Variants in PRKCB observed in about 807,000 individuals in gnomAD.
The protein encoded by PRKCB is protein kinase C beta.
Under a neutral mutation model 81.5 loss-of-function variants are expected in PRKCB, and 13 were observed. That is an observed-to-expected ratio of 0.16 (90% CI 0.10 to 0.25). The LOEUF (loss-of-function observed/expected upper bound fraction) is 0.25. PRKCB is among the 10% of genes least tolerant of loss of function. The probability of loss-of-function intolerance (pLI) is 1.00; values close to 1 mark genes in which losing one functional copy is unlikely to be tolerated. For missense variants in PRKCB, 509 were observed against 875.7 expected, an observed-to-expected ratio of 0.58 and a Z score of 5.29; for synonymous variants, 335 against 321.4, an observed-to-expected ratio of 1.04 and a Z score of -0.45.
intron 12 of PRKCB, among the ~76,000 whole-genome samples, chr16:24,176,190 C>T (rs1323015604): frequency 1.3e-5 from 2 of 151,934 alleles, no homozygotes; most frequent in Non-Finnish European, 2.9e-5. Context: ...ACAAAGTCCC[C>T]GCCATTCCTA....
chr16:24,029,038 G>A (rs1021478368), intron 3 of PRKCB, among the ~76,000 whole-genome samples: 35 of 152,136 alleles, frequency 2.3e-4, no homozygotes, highest in African/African-American at 5.8e-4. Context: ...CGATCTGCCC[G>A]CCTCGGCCTC....
At chr16:24,178,402 C>G (rs1967568711) in intron 12 of PRKCB, among the ~76,000 whole-genome samples, 1 of 152,170 alleles carries the variant, frequency 6.6e-6, no homozygotes. Context: ...GACAGAGGTG[C>G]CCTCCAGCCT....
intron 3 of PRKCB, among the ~76,000 whole-genome samples, chr16:24,003,874 A>G (rs1334808657): frequency 6.6e-6 from 1 of 152,222 alleles, no homozygotes; most frequent in Non-Finnish European, 1.5e-5. Flanking sequence ...ACTAATTATT[A>G]TAAGCTTGCT....
At chr16:24,085,813 C>A (rs1966304981) in intron 5 of PRKCB, among the ~76,000 whole-genome samples, 1 of 152,222 alleles carries the variant, frequency 6.6e-6, no homozygotes, top group Non-Finnish European at 1.5e-5. Context: ...ACCACGCTAG[C>A]TCTCCACCAT....
intron 5 of PRKCB, among the ~76,000 whole-genome samples, chr16:24,063,922 A>G (rs1966003234): frequency 6.6e-6 from 1 of 152,220 alleles, no homozygotes; most frequent in African/African-American, 2.4e-5. Flanking sequence ...ATGCTGTGGT[A>G]TAACTTGCAG....
At chr16:24,166,873 T>C (rs1366773406) in intron 10 of PRKCB, among the ~76,000 whole-genome samples, 2 of 152,136 alleles carry the variant, frequency 1.3e-5, no homozygotes, top group Non-Finnish European at 2.9e-5. Context: ...AGGGTTTCCC[T>C]GCATATGGTT....
chr16:24,216,382 G>A lies in PRKCB; in HGVS notation c.*1566G>A. The A allele has an allele frequency of 1.0e-6, 1 of 985,410 alleles. No individual in the cohort carries two copies. Among genetic ancestry groups the A allele is most frequent in the Non-Finnish European group, 1.2e-6 (1 of 829,924 alleles). 61.0% of individuals were successfully genotyped at this position (985,410 alleles called of 1,614,324 possible). A position where few individuals can be genotyped will look rare whatever the true frequency, so the allele number is the denominator to read the frequency against. ...CCCTGAAGCCCAAGGAAACCCTTCG[G>A]TGGGAGAAATTTCATTTCTGTCTGA... On this transcript the variant is annotated 3_prime_UTR_variant, in exon 17 of 17. Coordinates refer to ENST00000643927, the MANE Select transcript of PRKCB (RefSeq NM_002738.7).
chr16:23,996,041 T>C (rs932168896), intron 3 of PRKCB, among the ~76,000 whole-genome samples: 8 of 152,022 alleles, frequency 5.3e-5, no homozygotes, highest in Admixed American at 5.2e-4. Flanking sequence ...CATGTGACTA[T>C]ATCCTGATTC....
In PRKCB at chr16:24,215,723, C is replaced by T; in HGVS notation, c.*907C>T. On this transcript the variant is annotated 3_prime_UTR_variant, in exon 17 of 17. Coordinates refer to ENST00000643927, the MANE Select transcript of PRKCB (RefSeq NM_002738.7). Reference sequence around the variant, plus strand: ...ATATGTATTCAAATGTTATTAACCACAATGACGACCTGCTTTGATTTAACC... The same window carrying T: ...ATATGTATTCAAATGTTATTAACCATAATGACGACCTGCTTTGATTTAACC... The T allele has an allele frequency of 1.0e-6, 1 of 985,618 alleles. No homozygotes were observed. Among genetic ancestry groups the T allele is most frequent in the Non-Finnish European group, 1.2e-6 (1 of 829,808 alleles). The allele number at this position is 985,618 out of a possible 1,614,324, so 61.1% of individuals were successfully genotyped here. A position where few individuals can be genotyped will look rare whatever the true frequency, so the allele number is the denominator to read the frequency against.
intron 2 of PRKCB, among the ~76,000 whole-genome samples, chr16:23,936,620 A>G (rs1379741490): frequency 2.2e-5 from 3 of 139,416 alleles, no homozygotes; most frequent in Non-Finnish European, 4.6e-5. Context: ...TTTGGTAGAG[A>G]CAGAGTTTCA....
chr16:24,061,910 T>TAAAAAAA (rs1210402981), intron 5 of PRKCB, among the ~76,000 whole-genome samples: 45 of 93,714 alleles, frequency 4.8e-4, no homozygotes, highest in East Asian at 6.4e-4. Flanking sequence ...CTTAAATAAA[T>TAAAAAAA]AAAAAAAAAA....
intron 5 of PRKCB, among the ~76,000 whole-genome samples, chr16:24,085,680 A>C (rs1966303268): frequency 6.6e-6 from 1 of 152,184 alleles, no homozygotes; most frequent in Admixed American, 6.5e-5. Context: ...GTGGGGAGAC[A>C]AAGGCTCAGA....
At chr16:24,119,698 G>T (rs1365316068) in intron 8 of PRKCB, among the ~76,000 whole-genome samples, 5 of 152,080 alleles carry the variant, frequency 3.3e-5, no homozygotes, top group Admixed American at 3.3e-4. Flanking sequence ...AGGTGAGACG[G>T]CTTCTGTCCT....
chr16:24,117,709 C>G (rs996804490), intron 8 of PRKCB, among the ~76,000 whole-genome samples: 4 of 152,148 alleles, frequency 2.6e-5, no homozygotes, highest in Non-Finnish European at 4.4e-5. Context: ...CCTGGAAGCA[C>G]CATAAGTTAA....
At chr16:23,965,965 C>G (rs1964482103) in intron 2 of PRKCB, among the ~76,000 whole-genome samples, 1 of 152,218 alleles carries the variant, frequency 6.6e-6, no homozygotes, top group Admixed American at 6.5e-5. Flanking sequence ...CTCTTGGCCA[C>G]TTCAGTCTAT....
chr16:23,993,089 C>T (rs548184412), intron 3 of PRKCB, among the ~76,000 whole-genome samples: 69 of 152,268 alleles, frequency 4.5e-4, no homozygotes, highest in African/African-American at 1.6e-3. Context: ...ATCCCACCAC[C>T]CCTTCAAGTC....
At chr16:24,064,374 G>C (rs1441376549) in intron 5 of PRKCB, among the ~76,000 whole-genome samples, 2 of 152,142 alleles carry the variant, frequency 1.3e-5, no homozygotes, top group African/African-American at 2.4e-5. Context: ...TTTTCATGAT[G>C]ATTTTTCCTA....
intron 7 of PRKCB, among the ~76,000 whole-genome samples, chr16:24,095,534 C>T (rs547669987): frequency 6.6e-6 from 1 of 152,204 alleles, no homozygotes; most frequent in African/African-American, 2.4e-5. Context: ...GTGATGTTAT[C>T]TGTAGGAGTA....
chr16:24,168,166 A>G (rs928659926), intron 10 of PRKCB, among the ~76,000 whole-genome samples: 1 of 152,226 alleles, frequency 6.6e-6, no homozygotes, highest in Non-Finnish European at 1.5e-5. Flanking sequence ...CACTCTACAC[A>G]TGTGTCCTTG....
Sources: allele counts gnomAD v4.1 joint callset (sites outside exome capture counted in the v4.1 genomes callset), GRCh38; gene constraint gnomAD v4.1.1; transcripts MANE v1.5; gene names NCBI Gene and HGNC (gene_info 2026-07-23, HGNC 2026-07-21).